ADCY2: variants seen among roughly 807,000 people sequenced by gnomAD.
The protein encoded by ADCY2 is adenylate cyclase type 2.
A neutral mutation model predicts 125.2 loss-of-function variants in ADCY2; 31 were observed. The ratio of observed to expected loss-of-function variants is 0.25; its 90% confidence interval spans 0.19 to 0.33. ADCY2 has a LOEUF of 0.33. Among genes scored for constraint, ADCY2 ranks in the 10% least tolerant of loss-of-function variants. ADCY2 has a pLI of 1.00. For missense variants in ADCY2, 904 were observed against 1,418.2 expected, an observed-to-expected ratio of 0.64 and a Z score of 5.82; for synonymous variants, 512 against 548.4, an observed-to-expected ratio of 0.93 and a Z score of 0.93.
intron 1 of ADCY2, among the ~76,000 whole-genome samples, chr5:7,407,660 A>G (rs1396516741): frequency 1.3e-5 from 2 of 152,114 alleles, no homozygotes; most frequent in Non-Finnish European, 2.9e-5. Flanking sequence ...ACTGTGCTTC[A>G]GCAGCCAGTG....
intron 4 of ADCY2, chr5:7,657,934 C>T (rs1739393795): frequency 6.6e-6 from 1 of 152,254 alleles, no homozygotes; most frequent in Admixed American, 6.5e-5. Context: ...TCCCAGCTCC[C>T]ACTGAGGCTG....
intron 18 of ADCY2, among the ~76,000 whole-genome samples, chr5:7,781,091 G>C (rs1212759308): frequency 6.6e-6 from 1 of 152,120 alleles, no homozygotes; most frequent in East Asian, 1.9e-4. Context: ...TGTTATATTA[G>C]CTGTGTCTTC....
chr5:7,825,475 TCCA>T lies in ADCY2; in HGVS notation c.3124-1243_3124-1241del, dbSNP rs568049523. ...CACCCACCTGGCACAGGTTTGTCAC[TCCA>T]GTGCTGGAGGTGGCCAGGGTCTCAC... On this transcript the variant is annotated intron_variant, in intron 24 of 24. Transcript: ENST00000338316. Among the ~76,000 whole-genome samples the T allele has an allele frequency of 2.0e-5, 3 of 152,350 alleles. No individual in the cohort carries two copies. In the South Asian group the frequency reaches 6.2e-4, roughly 32 times the overall value.
intron 22 of ADCY2, among the ~76,000 whole-genome samples, chr5:7,812,164 A>G (rs904674865): frequency 5.3e-5 from 8 of 152,190 alleles, no homozygotes; most frequent in Non-Finnish European, 1.0e-4. Flanking sequence ...TAATAGCCCC[A>G]GTTCCCTTCA....
intron 2 of ADCY2, among the ~76,000 whole-genome samples, chr5:7,506,463 A>G (rs1230177894): frequency 1.3e-5 from 2 of 152,224 alleles, no homozygotes; most frequent in Non-Finnish European, 2.9e-5. Flanking sequence ...TGGCATTTGA[A>G]CAGAAAAAGA....
At chr5:7,567,132 A>T (rs1303306513) in intron 3 of ADCY2, among the ~76,000 whole-genome samples, 1 of 152,224 alleles carries the variant, frequency 6.6e-6, no homozygotes, top group Non-Finnish European at 1.5e-5. Context: ...AACAGTTTAG[A>T]TAAATTTTTG....
chr5:7,565,844 A>C (rs2126593647), intron 3 of ADCY2, among the ~76,000 whole-genome samples: 1 of 152,320 alleles, frequency 6.6e-6, no homozygotes, highest in African/African-American at 2.4e-5. Context: ...ATCCCAGAGC[A>C]CTGAGTCCTG....
intron 2 of ADCY2, among the ~76,000 whole-genome samples, chr5:7,488,004 G>GA (rs1743005002): frequency 6.6e-6 from 1 of 152,010 alleles, no homozygotes; most frequent in Non-Finnish European, 1.5e-5. Context: ...TGAAAGGAAA[G>GA]AAAAAAACAT....
At chr5:7,558,873 A>G (rs1735621064) in intron 3 of ADCY2, among the ~76,000 whole-genome samples, 1 of 152,124 alleles carries the variant, frequency 6.6e-6, no homozygotes, top group Admixed American at 6.6e-5. Flanking sequence ...GGTGTAATGA[A>G]GGGGTCTGGT....
chr5:7,499,427 A>G (rs1348857215), intron 2 of ADCY2, among the ~76,000 whole-genome samples: 2 of 151,948 alleles, frequency 1.3e-5, no homozygotes, highest in African/African-American at 4.8e-5. Context: ...TGTAAAATCC[A>G]TCATCCTGTG....
At chr5:7,727,542 G>A (rs954253189) in intron 14 of ADCY2, among the ~76,000 whole-genome samples, 3 of 152,200 alleles carry the variant, frequency 2.0e-5, no homozygotes, top group South Asian at 2.1e-4. Context: ...ACTCTGATGC[G>A]CAGTCTAGGA....
chr5:7,757,100 G>C (rs1743018444), intron 15 of ADCY2, among the ~76,000 whole-genome samples: 1 of 152,200 alleles, frequency 6.6e-6, no homozygotes, highest in Non-Finnish European at 1.5e-5. Flanking sequence ...TTTCATCATA[G>C]CTGTGATCAG....
At chr5:7,821,062 AC>A (rs1745283666) in intron 24 of ADCY2, among the ~76,000 whole-genome samples, 3 of 152,014 alleles carry the variant, frequency 2.0e-5, no homozygotes. Context: ...ACCAGACACA[AC>A]CCCTCACCTT....
chr5:7,576,319 G>A (rs1347487830), intron 3 of ADCY2, among the ~76,000 whole-genome samples: 1 of 152,220 alleles, frequency 6.6e-6, no homozygotes, highest in African/African-American at 2.4e-5. Flanking sequence ...GTGTATTCAT[G>A]TACACTCCAG....
intron 1 of ADCY2, among the ~76,000 whole-genome samples, chr5:7,405,263 T>C: frequency 6.6e-6 from 1 of 152,102 alleles, no homozygotes; most frequent in East Asian, 1.9e-4. Context: ...AATTAACTTG[T>C]GCTGTGTAAC....
intron 7 of ADCY2, among the ~76,000 whole-genome samples, chr5:7,702,236 T>TC (rs1393533176): frequency 6.6e-6 from 1 of 151,482 alleles, no homozygotes; most frequent in East Asian, 1.9e-4. Flanking sequence ...TTTTTTTTTT[T>TC]TTTTTTTTAA....
intron 3 of ADCY2, among the ~76,000 whole-genome samples, chr5:7,531,682 CCTT>C (rs1473548681): frequency 6.6e-6 from 1 of 152,174 alleles, no homozygotes; most frequent in Non-Finnish European, 1.5e-5. Flanking sequence ...CTTCACGTGT[CCTT>C]CTTCTCTTTG....
chr5:7,491,836 A>G (rs568152388), intron 2 of ADCY2, among the ~76,000 whole-genome samples: 1 of 152,340 alleles, frequency 6.6e-6, no homozygotes, highest in African/African-American at 2.4e-5. Context: ...TATAAGCACA[A>G]AACAACCAAA....
chr5:7,469,851 A>G (rs1015541262), intron 2 of ADCY2, among the ~76,000 whole-genome samples: 2 of 150,946 alleles, frequency 1.3e-5, no homozygotes, highest in African/African-American at 4.9e-5. Context: ...GAAACTTTTT[A>G]TTTATTTTTT....
Sources: allele counts gnomAD v4.1 joint callset (sites outside exome capture counted in the v4.1 genomes callset), GRCh38; gene constraint gnomAD v4.1.1; transcripts MANE v1.5; gene names NCBI Gene and HGNC (gene_info 2026-07-23, HGNC 2026-07-21).